TBC1D5: variants seen among roughly 807,000 people sequenced by gnomAD.
TBC1D5 encodes the protein TBC1 domain family member 5, also known as TBC1 domain family, member 5.
TBC1D5 carries 75 observed loss-of-function variants against 100.3 expected under a neutral mutation model. The ratio of observed to expected loss-of-function variants is 0.75; its 90% CI spans 0.62 to 0.91. The LOEUF (loss-of-function observed/expected upper bound fraction) is 0.91, where lower values mean the gene tolerates loss of function less well. TBC1D5 is among the 40% of genes least tolerant of loss of function. The pLI, the probability that TBC1D5 is intolerant of heterozygous loss-of-function variation, is 0.00. For missense variants in TBC1D5, 910 were observed against 942.4 expected, an observed-to-expected ratio of 0.97 and a Z score of 0.45; for synonymous variants, 323 against 325.6, an observed-to-expected ratio of 0.99 and a Z score of 0.09.
chr3:17,532,803 A>C (rs1289015068), intron 2 of TBC1D5, among the ~76,000 whole-genome samples: 1 of 143,908 alleles, frequency 6.9e-6, no homozygotes, highest in Non-Finnish European at 1.5e-5. Flanking sequence ...TCATGGACAC[A>C]GGAAGGAGAA....
chr3:17,363,014 C>T (rs1379239164), intron 13 of TBC1D5, among the ~76,000 whole-genome samples: 1 of 152,076 alleles, frequency 6.6e-6, no homozygotes, highest in Non-Finnish European at 1.5e-5. Context: ...TAGTGTCTGT[C>T]AATTTAATTG....
At chr3:17,428,911 G>A (rs994379711) in intron 3 of TBC1D5, among the ~76,000 whole-genome samples, 4 of 151,918 alleles carry the variant, frequency 2.6e-5, no homozygotes, top group African/African-American at 7.2e-5. Context: ...GCAGAGAGCC[G>A]ACCTGGATGA....
At chr3:17,179,002 C>T (rs2068129819) in intron 19 of TBC1D5, among the ~76,000 whole-genome samples, 1 of 152,060 alleles carries the variant, frequency 6.6e-6, no homozygotes, top group African/African-American at 2.4e-5. Context: ...AGTCGCTATT[C>T]ACAGGCCGGA....
At chr3:17,569,089 G>A (rs1331506244) in intron 2 of TBC1D5, among the ~76,000 whole-genome samples, 4 of 151,724 alleles carry the variant, frequency 2.6e-5, no homozygotes, top group Non-Finnish European at 5.9e-5. Context: ...GAGAACAAGG[G>A]CACTCTCTGA....
At chr3:17,229,128 A>G (rs1055722614) in intron 17 of TBC1D5, among the ~76,000 whole-genome samples, 3 of 152,086 alleles carry the variant, frequency 2.0e-5, no homozygotes, top group African/African-American at 7.2e-5. Context: ...CAGGAGGTCT[A>G]CGGGGGGACT....
chr3:17,507,512 G>C (rs1009714206), intron 3 of TBC1D5, among the ~76,000 whole-genome samples: 8 of 152,246 alleles, frequency 5.3e-5, no homozygotes, highest in Middle Eastern at 3.4e-3. Context: ...GCCACTTTAG[G>C]TGGGGGTCAA....
chr3:17,448,770 G>C (rs2094856625), intron 3 of TBC1D5, among the ~76,000 whole-genome samples: 2 of 150,552 alleles, frequency 1.3e-5, no homozygotes, highest in Admixed American at 1.3e-4. Context: ...ACAGAGCACA[G>C]TGAGAGGAGA....
chr3:17,604,412 A>C (rs930189321), intron 2 of TBC1D5, among the ~76,000 whole-genome samples: 4 of 152,228 alleles, frequency 2.6e-5, no homozygotes, highest in African/African-American at 9.6e-5. Context: ...GTTATCAGAA[A>C]ACAGAGCTCA....
chr3:17,227,420 A>T (rs2075008439), intron 17 of TBC1D5, among the ~76,000 whole-genome samples: 1 of 152,176 alleles, frequency 6.6e-6, no homozygotes, highest in African/African-American at 2.4e-5. Flanking sequence ...TTTCTAAAAA[A>T]TTTGATGATT....
intron 3 of TBC1D5, among the ~76,000 whole-genome samples, chr3:17,430,517 A>G (rs371342258): frequency 2.4e-4 from 35 of 147,210 alleles, no homozygotes; most frequent in African/African-American, 5.5e-4. Flanking sequence ...GGTAATAGGG[A>G]AAAAAAAAGC....
Position 17,586,187 on chromosome 3 carries a change from G to C in TBC1D5, c.-36+37662C>G, listed in dbSNP as rs200748318. ...ATCAGGAAACTGAGTAACTGTGTTG[G>C]TTGGCCAACACTATTCCCTGAAGGA... is the stretch of plus-strand genomic sequence containing the variant. On this transcript the variant is annotated intron_variant, in intron 2 of 21. Transcript: ENST00000253692. Among the ~76,000 whole-genome samples the C allele has an allele frequency of 3.3e-5, 5 of 152,280 alleles. No homozygotes were observed. The East Asian group carries it at 9.6e-4, about 29-fold the overall frequency.
At chr3:17,710,564 C>CAATA (rs200722930) in intron 1 of TBC1D5, among the ~76,000 whole-genome samples, 5,260 of 149,034 alleles carry the variant, frequency 0.035, 103 homozygotes, top group Middle Eastern at 0.1. Context: ...AACTCCATCT[C>CAATA]AATAAATAAA....
At chr3:17,611,668 T>C (rs1157206272) in intron 2 of TBC1D5, among the ~76,000 whole-genome samples, 1 of 152,168 alleles carries the variant, frequency 6.6e-6, no homozygotes, top group Non-Finnish European at 1.5e-5. Context: ...TTTGGACAAC[T>C]GAGAAACCAG....
chr3:17,286,525 T>A (rs561654909), intron 15 of TBC1D5, among the ~76,000 whole-genome samples: 1 of 152,192 alleles, frequency 6.6e-6, no homozygotes, highest in Non-Finnish European at 1.5e-5. Flanking sequence ...AGTTCTAATA[T>A]GATAAAGACA....
intron 15 of TBC1D5, among the ~76,000 whole-genome samples, chr3:17,286,183 G>T (rs2081169718): frequency 6.6e-6 from 1 of 152,136 alleles, no homozygotes; most frequent in African/African-American, 2.4e-5. Flanking sequence ...ACCAAAAAAT[G>T]AAAATTACTT....
chr3:17,519,529 C>A (rs1459696815), intron 2 of TBC1D5, among the ~76,000 whole-genome samples: 1 of 152,166 alleles, frequency 6.6e-6, no homozygotes, highest in African/African-American at 2.4e-5. Context: ...ATAACTCCAC[C>A]CTAATATTAA....
At chr3:17,713,229 TTTTTC>T (rs890070659) in intron 1 of TBC1D5, among the ~76,000 whole-genome samples, 7 of 151,772 alleles carry the variant, frequency 4.6e-5, no homozygotes, top group Non-Finnish European at 7.4e-5. Context: ...AATTATTGTG[TTTTTC>T]TTTTCTTTTC....
chr3:17,315,794 G>A (rs536698598), intron 13 of TBC1D5, among the ~76,000 whole-genome samples: 1 of 152,138 alleles, frequency 6.6e-6, no homozygotes, highest in South Asian at 2.1e-4. Flanking sequence ...CATTACCTGT[G>A]TTTGGAAGAT....
intron 3 of TBC1D5, among the ~76,000 whole-genome samples, chr3:17,495,078 C>A (rs902757859): frequency 6.6e-6 from 1 of 152,220 alleles, no homozygotes; most frequent in African/African-American, 2.4e-5. Flanking sequence ...CCTCACTCTC[C>A]GTGGGTCATG....
Sources: allele counts gnomAD v4.1 joint callset (sites outside exome capture counted in the v4.1 genomes callset), GRCh38; gene constraint gnomAD v4.1.1; transcripts MANE v1.5; gene names NCBI Gene and HGNC (gene_info 2026-07-23, HGNC 2026-07-21).